The following SCHIP1 variants were observed in gnomAD, a reference collection of about 807,000 sequenced individuals.
SCHIP1 encodes the protein schwannomin interacting protein 1, also known as schwannomin-interacting protein 1.
Under a neutral mutation model 29.7 loss-of-function variants are expected in SCHIP1, and 8 were observed. The ratio of observed to expected loss-of-function variants is 0.27; its 90% CI spans 0.16 to 0.49. SCHIP1 has a LOEUF of 0.49. Among genes scored for constraint, SCHIP1 ranks in the 20% least tolerant of loss-of-function variants. SCHIP1 has a pLI of 0.99. For synonymous variants in SCHIP1, 76 were observed against 94.9 expected (o/e 0.80, Z 1.16); for missense variants, 193 against 294.6 (o/e 0.66, Z 2.52).
At chr3:159,298,850 C>T in the SCHIP1 span, among the ~76,000 whole-genome samples, 2 of 152,218 alleles carry the variant, frequency 1.3e-5, no homozygotes, top group Non-Finnish European at 1.5e-5. Context: ...GCCCATGCCA[C>T]ATCTTTTCTG....
At chr3:159,785,412 CAT>C in the SCHIP1 span, among the ~76,000 whole-genome samples, 1 of 152,124 alleles carries the variant, frequency 6.6e-6, no homozygotes, top group Non-Finnish European at 1.5e-5. Context: ...ATATTAAAGA[CAT>C]GTTATCGGGA....
At chr3:159,670,406 T>A in the SCHIP1 span, among the ~76,000 whole-genome samples, 1 of 152,202 alleles carries the variant, frequency 6.6e-6, no homozygotes, top group South Asian at 2.1e-4. Flanking sequence ...TATATCAATG[T>A]TTAGTTGAAT....
the SCHIP1 span, among the ~76,000 whole-genome samples, chr3:159,395,188 C>T: frequency 5.3e-5 from 8 of 152,016 alleles, no homozygotes; most frequent in Non-Finnish European, 7.4e-5. Flanking sequence ...TTTTTTATTG[C>T]ATCTATTTGA....
the SCHIP1 span, among the ~76,000 whole-genome samples, chr3:159,649,081 G>C: frequency 4.3e-3 from 658 of 152,278 alleles, 6 homozygotes; most frequent in African/African-American, 0.015. Flanking sequence ...AGAAGCTAGA[G>C]ATTAGATATC....
At chr3:159,556,313 G>C in the SCHIP1 span, among the ~76,000 whole-genome samples, 3 of 152,082 alleles carry the variant, frequency 2.0e-5, no homozygotes, top group Admixed American at 2.0e-4. Flanking sequence ...CTTTTACACT[G>C]TTAGTGGGAC....
chr3:159,637,410 CACACACACA>C, the SCHIP1 span, among the ~76,000 whole-genome samples: 1 of 146,434 alleles, frequency 6.8e-6, no homozygotes, highest in African/African-American at 2.6e-5. Context: ...CACACACACA[CACACACACA>C]CACCTGACTC....
At chr3:159,636,755 A>G in the SCHIP1 span, among the ~76,000 whole-genome samples, 1 of 152,248 alleles carries the variant, frequency 6.6e-6, no homozygotes. Flanking sequence ...TAAAGCATGC[A>G]TTGCATGACT....
chr3:159,734,135 CTTT>C, the SCHIP1 span, among the ~76,000 whole-genome samples: 5 of 100,910 alleles, frequency 5.0e-5, no homozygotes, highest in East Asian at 2.7e-4. Context: ...TTATTGTTTA[CTTT>C]TTTTTTTTTT....
chr3:159,424,396 G>A, the SCHIP1 span, among the ~76,000 whole-genome samples: 4 of 152,202 alleles, frequency 2.6e-5, no homozygotes, highest in African/African-American at 9.6e-5. Context: ...GAAGAATGCA[G>A]AAGCCTCAGG....
the SCHIP1 span, among the ~76,000 whole-genome samples, chr3:159,298,804 CA>C: frequency 5.3e-5 from 8 of 152,110 alleles, no homozygotes; most frequent in East Asian, 3.9e-4. Flanking sequence ...GAAAATAAAA[CA>C]AAAAAAATCA....
At chr3:159,704,206 G>T in the SCHIP1 span, among the ~76,000 whole-genome samples, 12 of 152,048 alleles carry the variant, frequency 7.9e-5, no homozygotes, top group South Asian at 2.5e-3. Flanking sequence ...AGGCCAAGGC[G>T]GATGGATTGC....
At chr3:159,550,175 T>C in the SCHIP1 span, among the ~76,000 whole-genome samples, 1 of 136,144 alleles carries the variant, frequency 7.3e-6, no homozygotes, top group East Asian at 2.3e-4. Flanking sequence ...AAGTTTGTAT[T>C]CCCAACCTGC....
chr3:159,760,460 G>A, the SCHIP1 span, among the ~76,000 whole-genome samples: 1 of 152,320 alleles, frequency 6.6e-6, no homozygotes, highest in South Asian at 2.1e-4. Context: ...TCAAATCCTG[G>A]CTCTGCCATC....
chr3:159,821,387 T>C, the SCHIP1 span, among the ~76,000 whole-genome samples: 1 of 152,204 alleles, frequency 6.6e-6, no homozygotes, highest in South Asian at 2.1e-4. Flanking sequence ...TTGAGGTTAG[T>C]GGTCATGAAT....
At chr3:159,566,455 A>G in the SCHIP1 span, among the ~76,000 whole-genome samples, 7 of 152,222 alleles carry the variant, frequency 4.6e-5, no homozygotes, top group Admixed American at 4.6e-4. Flanking sequence ...ATTTATCTAC[A>G]TAAATCTACA....
At chr3:159,589,216 T>A in the SCHIP1 span, among the ~76,000 whole-genome samples, 2 of 152,212 alleles carry the variant, frequency 1.3e-5, no homozygotes, top group African/African-American at 2.4e-5. Flanking sequence ...TATTTTATTC[T>A]CTTTGAAGCA....
the SCHIP1 span, among the ~76,000 whole-genome samples, chr3:159,604,793 G>A: frequency 2.0e-5 from 3 of 152,156 alleles, no homozygotes; most frequent in Admixed American, 6.5e-5. Flanking sequence ...GGCATGACAT[G>A]TATCTGACAG....
chr3:159,578,434 G>T, the SCHIP1 span, among the ~76,000 whole-genome samples: 1 of 152,104 alleles, frequency 6.6e-6, no homozygotes, highest in East Asian at 1.9e-4. Flanking sequence ...TTATACTTTA[G>T]TGTGTTTAAT....
chr3:159,565,109 G>T, the SCHIP1 span, among the ~76,000 whole-genome samples: 1 of 152,002 alleles, frequency 6.6e-6, no homozygotes, highest in African/African-American at 2.4e-5. Flanking sequence ...CAATCATATG[G>T]CAGTCAATGT....
Sources: allele counts gnomAD v4.1 joint callset (sites outside exome capture counted in the v4.1 genomes callset), GRCh38; gene constraint gnomAD v4.1.1; transcripts MANE v1.5; gene names NCBI Gene and HGNC (gene_info 2026-07-23, HGNC 2026-07-21).